The following ERC1 variants were observed in gnomAD, a reference collection of about 807,000 sequenced individuals.
ERC1 encodes ELKS/RAB6-interacting/CAST family member 1.
ERC1 carries 56 observed loss-of-function variants against 132.0 expected under a neutral mutation model. The ratio of observed to expected loss-of-function variants is 0.42; its 90% CI spans 0.34 to 0.53. The LOEUF (loss-of-function observed/expected upper bound fraction) is 0.53. ERC1 is among the 20% of genes least tolerant of loss of function. ERC1 has a pLI of 0.03. For missense variants in ERC1, 1,202 were observed against 1,349.9 expected, an observed-to-expected ratio of 0.89 and a Z score of 1.72; for synonymous variants, 478 against 476.1, an observed-to-expected ratio of 1.00 and a Z score of -0.05.
intron 2 of ERC1, among the ~76,000 whole-genome samples, chr12:1,034,801 G>A (rs146698023): frequency 1.3e-5 from 2 of 152,294 alleles, no homozygotes; most frequent in East Asian, 1.9e-4. Flanking sequence ...TGGAAAATAC[G>A]TAATATCCTT....
chr12:1,395,335 T>C, intron 16 of ERC1, among the ~76,000 whole-genome samples: 1 of 152,156 alleles, frequency 6.6e-6, no homozygotes, highest in Middle Eastern at 3.2e-3. Flanking sequence ...GAATGTACCA[T>C]AATTATATAC....
intron 14 of ERC1, among the ~76,000 whole-genome samples, chr12:1,289,241 C>T (rs973892560): frequency 1.4e-5 from 2 of 147,888 alleles, no homozygotes; most frequent in African/African-American, 5.0e-5. Context: ...ATATATATGC[C>T]TGTATAGTTA....
chr12:1,273,472 T>C (rs1209832854), intron 14 of ERC1, among the ~76,000 whole-genome samples: 1 of 152,226 alleles, frequency 6.6e-6, no homozygotes, highest in Non-Finnish European at 1.5e-5. Context: ...TCACAAGTGC[T>C]TATTGGCTTC....
chr12:1,133,741 C>T (rs1948995253), intron 7 of ERC1, among the ~76,000 whole-genome samples: 1 of 152,072 alleles, frequency 6.6e-6, no homozygotes, highest in Admixed American at 6.5e-5. Flanking sequence ...TATTAGATCC[C>T]CAGAACTTAC....
intron 3 of ERC1, among the ~76,000 whole-genome samples, chr12:1,091,248 G>C (rs1252048223): frequency 1.3e-5 from 2 of 152,048 alleles, no homozygotes; most frequent in African/African-American, 4.8e-5. Flanking sequence ...TTACAAGGAT[G>C]GAATGCTGTG....
chr12:1,280,926 C>G (rs1455125902), intron 14 of ERC1, among the ~76,000 whole-genome samples: 2 of 152,040 alleles, frequency 1.3e-5, no homozygotes, highest in Non-Finnish European at 2.9e-5. Flanking sequence ...TAACAACTGT[C>G]CAGGGTTGTG....
intron 9 of ERC1, among the ~76,000 whole-genome samples, chr12:1,180,974 A>C (rs1220983974): frequency 6.6e-6 from 1 of 151,726 alleles, no homozygotes; most frequent in East Asian, 1.9e-4. Context: ...ACCATGCCCA[A>C]GTAATTTTTT....
chr12:1,155,610 G>A (rs143407959), intron 8 of ERC1, among the ~76,000 whole-genome samples: 11,678 of 151,948 alleles, frequency 0.077, 585 homozygotes, highest in Admixed American at 0.15. Context: ...CTGAGTAGCT[G>A]GGACCACAGG....
At chr12:1,177,369 C>G (rs1320273020) in intron 8 of ERC1, among the ~76,000 whole-genome samples, 1 of 152,182 alleles carries the variant, frequency 6.6e-6, no homozygotes, top group Non-Finnish European at 1.5e-5. Context: ...ACTTTTCAAA[C>G]TCTGCATGTA....
chr12:1,469,083 T>A (rs1185801709), intron 18 of ERC1, among the ~76,000 whole-genome samples: 1 of 152,218 alleles, frequency 6.6e-6, no homozygotes, highest in East Asian at 1.9e-4. Context: ...GTGCTAGGTG[T>A]TGTGCACTAA....
rs187207106 is a variant in ERC1, at chr12:1,329,022, G to C, written c.2780+39010G>C. The stretch of plus-strand genomic sequence containing the variant: ...AAAAAAAGCCTTAGCGACCAGGCAC[G>C]GTGGCTCACGCCTGTAATCCCAGCA... On this transcript the variant is annotated intron_variant, in intron 15 of 18. Transcript: ENST00000360905. Among the ~76,000 whole-genome samples, 5 of 144,604 alleles carry C rather than the reference G, an allele frequency of 3.5e-5. 1 individual carries two copies. Among genetic ancestry groups the C allele is most frequent in the Non-Finnish European group, 7.5e-5 (5 of 66,622 alleles). 94.9% of individuals were successfully genotyped at this position (144,604 alleles called of 152,430 possible).
intron 7 of ERC1, among the ~76,000 whole-genome samples, chr12:1,119,839 C>T (rs764798993): frequency 4.0e-4 from 61 of 152,078 alleles, no homozygotes; most frequent in African/African-American, 1.1e-3. Context: ...TGTGAGCCAC[C>T]GCATCCATTC....
chr12:1,368,112 A>G (rs1315420752), intron 15 of ERC1, among the ~76,000 whole-genome samples: 1 of 152,010 alleles, frequency 6.6e-6, no homozygotes. Flanking sequence ...CTAGGGACTC[A>G]TGGGAATGAA....
chr12:1,292,195 AT>A (rs1433792623), intron 15 of ERC1, among the ~76,000 whole-genome samples: 2 of 152,088 alleles, frequency 1.3e-5, no homozygotes, highest in Non-Finnish European at 2.9e-5. Context: ...TCCATTTTTT[AT>A]TTTTAATAAA....
chr12:1,493,202 T>TA lies in ERC1; in HGVS notation c.*2973dup, dbSNP rs1402337226. On this transcript the variant is annotated 3_prime_UTR_variant, in exon 19 of 19. Transcript: ENST00000360905. ...CAATTGAGATTTGCAAGGACTTTGA[T>TA]ACCATTTGAAATGGAAAAATTTTGA... is the stretch of plus-strand genomic sequence containing the variant. 1 of 197,406 alleles carries TA rather than the reference T, an allele frequency of 5.1e-6. No individual in the cohort carries two copies. Among genetic ancestry groups the TA allele is most frequent in the Admixed American group, 6.1e-5 (1 of 16,460 alleles). 12.2% of individuals were successfully genotyped at this position (197,406 alleles called of 1,614,324 possible).
chr12:1,183,885 C>T (rs1349129265), intron 11 of ERC1, among the ~76,000 whole-genome samples: 1 of 151,820 alleles, frequency 6.6e-6, no homozygotes, highest in African/African-American at 2.4e-5. Flanking sequence ...CCTGTAATCC[C>T]AGCACTTTGG....
intron 17 of ERC1, among the ~76,000 whole-genome samples, chr12:1,418,016 A>G (rs185097531): frequency 2.1e-3 from 315 of 152,324 alleles, no homozygotes; most frequent in African/African-American, 7.2e-3. Context: ...AAACTGAACC[A>G]TGGAGAAGTT....
At chr12:1,279,515 C>T (rs2078516051) in intron 14 of ERC1, among the ~76,000 whole-genome samples, 1 of 151,984 alleles carries the variant, frequency 6.6e-6, no homozygotes, top group South Asian at 2.1e-4. Flanking sequence ...TCATTTTATT[C>T]AGCAAAAGGA....
At chr12:998,861 T>C (rs2154130142) in intron 1 of ERC1, among the ~76,000 whole-genome samples, 1 of 147,782 alleles carries the variant, frequency 6.8e-6, no homozygotes, top group South Asian at 2.2e-4. Context: ...CACTTTTTTT[T>C]TTTTTTTTTT....
Sources: gnomAD v4.1 joint callset for allele counts (sites outside exome capture counted in the v4.1 genomes callset) on GRCh38, gnomAD v4.1.1 for gene constraint, MANE v1.5 for transcripts, NCBI Gene and HGNC (gene_info 2026-07-23, HGNC 2026-07-21) for gene names.